The following SIK3 variants were observed in gnomAD, a reference collection of about 807,000 sequenced individuals.
SIK3 encodes the protein SIK family kinase 3, also known as serine/threonine-protein kinase SIK3.
In SIK3, 28 loss-of-function variants were observed where a neutral mutation model predicts 144.2. The ratio of observed to expected loss-of-function variants is 0.19; its 90% CI spans 0.14 to 0.27. The LOEUF (loss-of-function observed/expected upper bound fraction) is 0.27. Ranked by LOEUF, SIK3 falls within the 10% of genes least tolerant of loss-of-function variation. The pLI is 1.00. For synonymous variants in SIK3, 686 were observed against 676.3 expected (o/e 1.01, Z -0.22); for missense variants, 1,319 against 1,776.0 (o/e 0.74, Z 4.62).
intron 1 of SIK3, among the ~76,000 whole-genome samples, chr11:116,982,695 C>T (rs937937847): frequency 1.3e-5 from 2 of 152,056 alleles, no homozygotes; most frequent in East Asian, 1.9e-4. Context: ...CTGGCTCACA[C>T]CTGTAATCCC....
chr11:117,077,348 C>G (rs1954597320), intron 1 of SIK3, among the ~76,000 whole-genome samples: 1 of 152,182 alleles, frequency 6.6e-6, no homozygotes, highest in Non-Finnish European at 1.5e-5. Flanking sequence ...CAACCTTGGT[C>G]CTCGCTTTCT....
At chr11:116,894,440 A>G (rs781709521) in intron 6 of SIK3, among the ~76,000 whole-genome samples, 1 of 152,208 alleles carries the variant, frequency 6.6e-6, no homozygotes, top group Non-Finnish European at 1.5e-5. Flanking sequence ...CATCTCTCCA[A>G]AATGTAAGTA....
At chr11:116,887,057 C>T (rs1345435560) in intron 6 of SIK3, among the ~76,000 whole-genome samples, 3 of 152,140 alleles carry the variant, frequency 2.0e-5, no homozygotes, top group African/African-American at 4.8e-5. Context: ...CACCCTTTTA[C>T]ACCTAAAAGT....
intron 4 of SIK3, among the ~76,000 whole-genome samples, chr11:116,918,908 T>C (rs1354771952): frequency 6.6e-6 from 1 of 152,126 alleles, no homozygotes; most frequent in African/African-American, 2.4e-5. Context: ...TGCAGGAAGG[T>C]TATTTAGAGC....
At chr11:117,064,647 C>G (rs17120271) in intron 1 of SIK3, among the ~76,000 whole-genome samples, 8,604 of 152,208 alleles carry the variant, frequency 0.057, 525 homozygotes, top group African/African-American at 0.15. Flanking sequence ...ATACCTACAA[C>G]GGCTGCTTTT....
chr11:117,091,023 G>A (rs541476652), intron 1 of SIK3, among the ~76,000 whole-genome samples: 2 of 152,244 alleles, frequency 1.3e-5, no homozygotes, highest in Admixed American at 1.3e-4. Context: ...TGTGATTAGA[G>A]AAGTCAGGGT....
chr11:117,084,511 C>A (rs1441542485), intron 1 of SIK3, among the ~76,000 whole-genome samples: 1 of 152,192 alleles, frequency 6.6e-6, no homozygotes, highest in Non-Finnish European at 1.5e-5. Flanking sequence ...GGTGATCCGC[C>A]TGCCTGGGCC....
intron 1 of SIK3, among the ~76,000 whole-genome samples, chr11:116,982,966 A>G (rs1412915138): frequency 7.0e-6 from 1 of 142,784 alleles, no homozygotes; most frequent in African/African-American, 2.6e-5. Flanking sequence ...AAAAAAAAAA[A>G]AAATTTCTGA....
At chr11:116,851,110 C>T (rs10047459) in intron 21 of SIK3, among the ~76,000 whole-genome samples, 120,293 of 152,216 alleles carry the variant, frequency 0.79, 48,214 homozygotes, top group Non-Finnish European at 0.84. Context: ...GGAATGAGTA[C>T]TTCTTCTTGA....
chr11:116,859,383 T>C lies in SIK3; in HGVS notation c.2647A>G (p.Ile883Val). 1 of 1,614,160 alleles carries C rather than the reference T, an allele frequency of 6.2e-7. No individual in the cohort carries two copies. The highest frequency in any genetic ancestry group is 1.1e-5 in the South Asian group (1 of 91,086). The change falls in exon 20 of 25, where the codon ATC becomes GTC. Residue 883 changes from isoleucine (I) to valine (V), a missense_variant. Transcript: ENST00000445177. ...AAGSSGRGIS[I>V]SPSAGQMQMQ... ...TGCATCTGACCAGCACTGGGGCTGA[T>C]GGAGATGCCGCGCCCACTGGAGCCT...
At chr11:117,075,840 CTTT>C (rs1037271983) in intron 1 of SIK3, among the ~76,000 whole-genome samples, 1 of 40,928 alleles carries the variant, frequency 2.4e-5, no homozygotes, top group Non-Finnish European at 4.0e-5. Context: ...CCAAGCCTGG[CTTT>C]TTTTTTTTTT....
chr11:117,038,418 G>A (rs1456765350), intron 1 of SIK3, among the ~76,000 whole-genome samples: 1 of 150,424 alleles, frequency 6.6e-6, no homozygotes, highest in African/African-American at 2.5e-5. Context: ...GTGCAGTGGT[G>A]CAATCTCGGC....
At chr11:116,869,001 G>C (rs930675834) in intron 14 of SIK3, 2 of 152,120 alleles carry the variant, frequency 1.3e-5, no homozygotes, top group African/African-American at 4.8e-5. Flanking sequence ...TTGGTCTAAA[G>C]AAGAAAGAAG....
intron 3 of SIK3, among the ~76,000 whole-genome samples, chr11:116,950,513 G>A (rs759714237): frequency 1.3e-5 from 2 of 152,178 alleles, no homozygotes. Flanking sequence ...GCACAATGAT[G>A]AAGTTCCCTC....
rs370861790 is a variant in SIK3, at chr11:116,888,496, A to G, written c.865+7757T>C. Among the ~76,000 whole-genome samples the G allele has an allele frequency of 2.0e-4, 30 of 152,342 alleles. 3 individuals carry two copies. Among genetic ancestry groups the G allele is most frequent in the Admixed American group, 1.3e-3 (20 of 15,306 alleles). On this transcript the variant is annotated intron_variant, in intron 6 of 24. Coordinates refer to ENST00000445177, the MANE Select transcript of SIK3 (RefSeq NM_001366686.3). ...ACTTTCTGGTACTTGAAGGTTGTCT[A>G]AGCTAAGAAAAGCCTAAATAACCGA... is the stretch of plus-strand genomic sequence containing the variant.
intron 3 of SIK3, among the ~76,000 whole-genome samples, chr11:116,945,380 CTTTT>C (rs35915801): frequency 1.0e-5 from 1 of 95,404 alleles, no homozygotes; most frequent in Admixed American, 1.2e-4. Context: ...TTCATGAATT[CTTTT>C]TTTTTTTTTT....
At chr11:116,949,917 TCA>T (rs1051015568) in intron 3 of SIK3, among the ~76,000 whole-genome samples, 6 of 151,978 alleles carry the variant, frequency 3.9e-5, no homozygotes, top group Non-Finnish European at 8.8e-5. Context: ...GGTAAAAATC[TCA>T]GAGTTAGGGC....
intron 3 of SIK3, among the ~76,000 whole-genome samples, chr11:116,949,275 T>A (rs1261706): frequency 0.054 from 8,196 of 152,312 alleles, 462 homozygotes; most frequent in African/African-American, 0.14. Flanking sequence ...CTAATGTGAT[T>A]CCTCTGGAAC....
intron 3 of SIK3, among the ~76,000 whole-genome samples, chr11:116,947,564 TA>T: frequency 1.7e-5 from 1 of 60,284 alleles, no homozygotes; most frequent in African/African-American, 4.4e-5. Context: ...TGTATGTATG[TA>T]TGTATTTTTT....
Sources: allele counts gnomAD v4.1 joint callset (sites outside exome capture counted in the v4.1 genomes callset), GRCh38; gene constraint gnomAD v4.1.1; transcripts MANE v1.5; gene names NCBI Gene and HGNC (gene_info 2026-07-23, HGNC 2026-07-21).